MGAT4C: variants seen among roughly 807,000 people sequenced by gnomAD.
MGAT4C encodes the protein alpha-1,3-mannosyl-glycoprotein 4-beta-N-acetylglucosaminyltransferase C.
Under a neutral mutation model 40.1 loss-of-function variants are expected in MGAT4C, and 19 were observed. The observed-to-expected ratio is 0.47, with a 90% CI of 0.33 to 0.70. The LOEUF is 0.70. Among genes scored for constraint, MGAT4C ranks in the 30% least tolerant of loss-of-function variants. The pLI is 0.02. For synonymous variants in MGAT4C, 181 were observed against 187.1 expected, an observed-to-expected ratio of 0.97 and a Z score of 0.27; for missense variants, 491 against 563.2, an observed-to-expected ratio of 0.87 and a Z score of 1.30.
At chr12:86,156,549 G>A (rs537103869) in intron 1 of MGAT4C, among the ~76,000 whole-genome samples, 14 of 152,258 alleles carry the variant, frequency 9.2e-5, no homozygotes, top group African/African-American at 3.1e-4. Flanking sequence ...TCAAACTCCC[G>A]ATCTCAGGTG....
intron 2 of MGAT4C, chr12:86,011,962 T>C (rs1888503409): frequency 1.6e-6 from 1 of 618,982 alleles, no homozygotes; most frequent in Non-Finnish European, 2.0e-6. Flanking sequence ...CTTGGTTCCA[T>C]GTTCAAATAA....
chr12:86,581,898 C>G (rs773293387), intron 2 of MGAT4C, among the ~76,000 whole-genome samples: 1 of 151,360 alleles, frequency 6.6e-6, no homozygotes, highest in Non-Finnish European at 1.5e-5. Context: ...TATGATTAAT[C>G]TTTAATTAGT....
Position 86,306,430 on chromosome 12 carries a change from A to G in MGAT4C, c.-57+27635T>C, listed in dbSNP as rs528921721. Among the ~76,000 whole-genome samples the G allele has an allele frequency of 3.3e-4, 50 of 150,728 alleles. 1 individual carries two copies. The highest frequency in any genetic ancestry group is 2.4e-3 in the Admixed American group (36 of 15,230). On this transcript the variant is annotated intron_variant, in intron 4 of 7. Transcript: ENST00000548651. The stretch of plus-strand genomic sequence containing the variant: ...AGTCTCATATAAACCATGCTAAATG[A>G]AGGAAGTCTTACACAAAAGAATACA...
chr12:86,554,065 T>C (rs1485754395), intron 2 of MGAT4C, among the ~76,000 whole-genome samples: 1 of 152,002 alleles, frequency 6.6e-6, no homozygotes, highest in Non-Finnish European at 1.5e-5. Flanking sequence ...TCAACCTCTC[T>C]TTACCTTCAA....
intron 2 of MGAT4C, among the ~76,000 whole-genome samples, chr12:85,994,958 A>G (rs929100653): frequency 6.6e-6 from 1 of 152,232 alleles, no homozygotes; most frequent in African/African-American, 2.4e-5. Context: ...TGGAAAAGAA[A>G]GAAAAAGTAA....
chr12:86,670,627 C>G (rs1964231466), intron 2 of MGAT4C, among the ~76,000 whole-genome samples: 1 of 151,982 alleles, frequency 6.6e-6, no homozygotes, highest in Non-Finnish European at 1.5e-5. Flanking sequence ...GAGAGAGAAC[C>G]TAGAAAAACT....
chr12:86,673,983 A>G (rs1964328151), intron 2 of MGAT4C, among the ~76,000 whole-genome samples: 1 of 152,026 alleles, frequency 6.6e-6, no homozygotes, highest in African/African-American at 2.4e-5. Flanking sequence ...GCATTGCACT[A>G]AAGTGTAATA....
chr12:86,291,647 C>A (rs1056519488), intron 4 of MGAT4C, among the ~76,000 whole-genome samples: 4 of 152,040 alleles, frequency 2.6e-5, no homozygotes, highest in African/African-American at 4.8e-5. Context: ...TATGAAGGAT[C>A]CAGGGGCAGA....
chr12:86,146,185 G>A (rs1883486706), intron 1 of MGAT4C, among the ~76,000 whole-genome samples: 1 of 152,108 alleles, frequency 6.6e-6, no homozygotes, highest in Non-Finnish European at 1.5e-5. Flanking sequence ...AGGTCTAAGA[G>A]TTATCCTACC....
rs145527406 is a variant in MGAT4C, at chr12:86,755,501, C to T, written c.-261-28260G>A. ...AACTGTGGCACTCTAATTTTCTCAC[C>T]CCAGTGCTAATAAGATCTTAATTAA... On this transcript the variant is annotated intron_variant, in intron 1 of 7. Coordinates refer to the MGAT4C transcript ENST00000548651. 8.9e-4 allele frequency among the ~76,000 whole-genome samples: 136 copies of T among 152,160 alleles called. 3 individuals are homozygous for T. The highest frequency in any genetic ancestry group is 2.0e-3 in the African/African-American group (83 of 41,524).
At chr12:86,763,852 A>G (rs1405324197) in intron 1 of MGAT4C, among the ~76,000 whole-genome samples, 1 of 152,152 alleles carries the variant, frequency 6.6e-6, no homozygotes. Context: ...TATACCTAGA[A>G]TACAGTTAAG....
chr12:86,276,312 T>C (rs2136112832), intron 4 of MGAT4C, among the ~76,000 whole-genome samples: 1 of 152,262 alleles, frequency 6.6e-6, no homozygotes, highest in African/African-American at 2.4e-5. Flanking sequence ...GTGTCTATAT[T>C]TAACGAGGTA....
At chr12:86,115,633 C>T (rs945104430) in intron 1 of MGAT4C, among the ~76,000 whole-genome samples, 1 of 151,882 alleles carries the variant, frequency 6.6e-6, no homozygotes, top group East Asian at 1.9e-4. Context: ...ACAAAGTCAT[C>T]TTAGAATAAT....
At chr12:86,691,968 ATTACT>A (rs1481456210) in intron 2 of MGAT4C, among the ~76,000 whole-genome samples, 2 of 152,166 alleles carry the variant, frequency 1.3e-5, no homozygotes, top group Non-Finnish European at 2.9e-5. Context: ...GATAAATATA[ATTACT>A]TTAATTAAGA....
intron 4 of MGAT4C, among the ~76,000 whole-genome samples, chr12:86,289,059 T>G (rs1203150039): frequency 1.3e-5 from 2 of 152,154 alleles, no homozygotes; most frequent in Non-Finnish European, 2.9e-5. Context: ...TGTATTGAAA[T>G]CATTAATCCA....
At chr12:86,270,972 A>C (rs1952930830) in intron 4 of MGAT4C, among the ~76,000 whole-genome samples, 1 of 152,224 alleles carries the variant, frequency 6.6e-6, no homozygotes, top group Non-Finnish European at 1.5e-5. Context: ...AAATGCAGAC[A>C]AATAAAACTG....
chr12:86,359,065 A>G (rs1192186729), intron 3 of MGAT4C, among the ~76,000 whole-genome samples: 1 of 152,248 alleles, frequency 6.6e-6, no homozygotes, highest in Non-Finnish European at 1.5e-5. Context: ...AAAATTGACC[A>G]CATAGTTGGA....
chr12:86,768,505 T>G (rs1951560599), intron 1 of MGAT4C, among the ~76,000 whole-genome samples: 1 of 151,844 alleles, frequency 6.6e-6, no homozygotes, highest in Admixed American at 6.6e-5. Flanking sequence ...TTCACAGAAT[T>G]GGAAAAAACT....
At chr12:86,267,864 C>T (rs888894628) in intron 4 of MGAT4C, among the ~76,000 whole-genome samples, 3 of 152,084 alleles carry the variant, frequency 2.0e-5, no homozygotes, top group Non-Finnish European at 2.9e-5. Context: ...ATTATGTAGA[C>T]GTATCAATTG....
Sources: gnomAD v4.1 joint callset for allele counts (sites outside exome capture counted in the v4.1 genomes callset) on GRCh38, gnomAD v4.1.1 for gene constraint, MANE v1.5 for transcripts, NCBI Gene and HGNC (gene_info 2026-07-23, HGNC 2026-07-21) for gene names.